Variants in SLC44A3 observed in about 807,000 individuals in gnomAD.
SLC44A3 encodes solute carrier family 44 member 3.
A neutral mutation model predicts 75.4 loss-of-function variants in SLC44A3; 74 were observed. The ratio of observed to expected loss-of-function variants is 0.98; its 90% confidence interval spans 0.81 to 1.19. SLC44A3 has a LOEUF of 1.19. Among genes scored for constraint, SLC44A3 ranks in the 50% most tolerant of loss-of-function variants. The pLI is 0.00. For synonymous variants in SLC44A3, 310 were observed against 296.9 expected, an observed-to-expected ratio of 1.04 and a Z score of -0.45; for missense variants, 700 against 778.6, an observed-to-expected ratio of 0.90 and a Z score of 1.20.
At chr1:94,885,588 C>T (rs1669498949) in intron 12 of SLC44A3, among the ~76,000 whole-genome samples, 1 of 152,144 alleles carries the variant, frequency 6.6e-6, no homozygotes. Flanking sequence ...AGAAAAAGCA[C>T]AAAGTACAGC....
chr1:94,856,112 C>CA (rs552142800), intron 9 of SLC44A3, among the ~76,000 whole-genome samples: 3 of 152,252 alleles, frequency 2.0e-5, no homozygotes, highest in South Asian at 2.1e-4. Flanking sequence ...ACGTGAATGG[C>CA]AAAAAGTTGT....
intron 12 of SLC44A3, among the ~76,000 whole-genome samples, chr1:94,869,075 G>T (rs1180346436): frequency 6.6e-6 from 1 of 152,254 alleles, no homozygotes. Context: ...TGTACTGAAG[G>T]TTTCATTTGA....
At chr1:94,827,374 T>C in intron 3 of SLC44A3, 133 bp from the exon 4 acceptor site, 3 of 1,164,126 alleles carry the variant, frequency 2.6e-6, no homozygotes, top group Non-Finnish European at 3.7e-6. Flanking sequence ...TGTTCAATTA[T>C]GCTGAAACAA....
At chr1:94,891,909 C>T (rs534786363) in intron 13 of SLC44A3, among the ~76,000 whole-genome samples, 42 of 152,114 alleles carry the variant, frequency 2.8e-4, no homozygotes, top group African/African-American at 9.9e-4. Context: ...GGCAACAGAA[C>T]GAGACTCTGT....
intron 5 of SLC44A3, among the ~76,000 whole-genome samples, chr1:94,833,293 G>A (rs6675132): frequency 1.6e-3 from 246 of 152,124 alleles, no homozygotes; most frequent in African/African-American, 5.9e-3. Flanking sequence ...TCCCTCATGG[G>A]CATGTTTTGG....
chr1:94,867,308 C>T (rs12137650), intron 11 of SLC44A3, 23 bp from the exon 12 acceptor site: 454,370 of 1,530,362 alleles, frequency 0.3, 69,472 homozygotes, highest in Admixed American at 0.34. Context: ...TGACTCTGTT[C>T]CTTTGTTCTC....
chr1:94,873,603 T>C (rs1294115047), intron 12 of SLC44A3, among the ~76,000 whole-genome samples: 1 of 152,192 alleles, frequency 6.6e-6, no homozygotes, highest in African/African-American at 2.4e-5. Context: ...GACTCAACTT[T>C]GTAGTATCTC....
At chr1:94,822,544 C>T (rs532249870) in intron 2 of SLC44A3, among the ~76,000 whole-genome samples, 255 of 130,106 alleles carry the variant, frequency 2.0e-3, no homozygotes, top group Non-Finnish European at 3.1e-3. Context: ...TGACAGATGT[C>T]CTGACTGGTG....
At chr1:94,886,112 G>A (rs1362868375) in intron 12 of SLC44A3, among the ~76,000 whole-genome samples, 3 of 152,164 alleles carry the variant, frequency 2.0e-5, no homozygotes, top group African/African-American at 7.2e-5. Flanking sequence ...CTGGCGGGTC[G>A]GTGTGCTCAA....
intron 12 of SLC44A3, among the ~76,000 whole-genome samples, chr1:94,884,773 G>GAGCTGTGCTGGCTA (rs1245199635): frequency 6.6e-6 from 1 of 152,146 alleles, no homozygotes. Context: ...ACAAAAGGCT[G>GAGCTGTGCTGGCTA]AGCTGTGCTG....
chr1:94,836,685 G>A (rs1462968885), intron 5 of SLC44A3: 1 of 152,138 alleles, frequency 6.6e-6, no homozygotes, highest in African/African-American at 2.4e-5. Context: ...AGACATCAAG[G>A]CAGGTGGATC....
chr1:94,847,765 T>C (rs982069026), intron 9 of SLC44A3, among the ~76,000 whole-genome samples: 3 of 152,210 alleles, frequency 2.0e-5, no homozygotes, highest in East Asian at 1.9e-4. Flanking sequence ...GGTATTGTTA[T>C]GTTCAAGTTA....
At chr1:94,883,507 A>G (rs185561226) in intron 12 of SLC44A3, among the ~76,000 whole-genome samples, 1 of 152,282 alleles carries the variant, frequency 6.6e-6, no homozygotes, top group East Asian at 1.9e-4. Context: ...CCCTGTTTCA[A>G]ACAAAGCAAA....
At chr1:94,851,330 C>T (rs1665189190) in intron 9 of SLC44A3, among the ~76,000 whole-genome samples, 1 of 152,158 alleles carries the variant, frequency 6.6e-6, no homozygotes, top group Non-Finnish European at 1.5e-5. Flanking sequence ...ACTACATGCC[C>T]TGGGTACTTG....
intron 2 of SLC44A3, among the ~76,000 whole-genome samples, chr1:94,821,341 T>C (rs1159696931): frequency 6.6e-6 from 1 of 152,166 alleles, no homozygotes; most frequent in East Asian, 1.9e-4. Context: ...CCTTTTACTC[T>C]CCGAACTTAC....
At chr1:94,865,999 A>C (rs1667127793) in intron 11 of SLC44A3, among the ~76,000 whole-genome samples, 1 of 152,150 alleles carries the variant, frequency 6.6e-6, no homozygotes, top group Non-Finnish European at 1.5e-5. Flanking sequence ...CTGATTGTAG[A>C]ATATTTTCTT....
rs372042871 is a variant in SLC44A3, at chr1:94,884,806, T to TA, written c.1483-6317dup. ...CTGGCTAAGCGTTTGATTTCAGGAG[T>TA]AAAAAAACGCTCTTTCTATGTTAAA... On this transcript the variant is annotated intron_variant, in intron 12 of 14. Transcript: ENST00000271227. Among the ~76,000 whole-genome samples, 212 of 151,956 alleles carry TA rather than the reference T, an allele frequency of 1.4e-3. 2 individuals are homozygous for TA. Among genetic ancestry groups the TA allele is most frequent in the African/African-American group, 4.9e-3 (203 of 41,456 alleles).
chr1:94,824,452 A>G, intron 2 of SLC44A3, 41 bp from the exon 3 acceptor site: 1 of 1,552,480 alleles, frequency 6.4e-7, no homozygotes, highest in South Asian at 1.2e-5. Context: ...CTGTGCGCTC[A>G]GCCCTTTGGC....
intron 9 of SLC44A3, among the ~76,000 whole-genome samples, chr1:94,855,742 G>A (rs1359073116): frequency 2.0e-5 from 3 of 152,174 alleles, no homozygotes; most frequent in South Asian, 4.1e-4. Context: ...CTACAGCACG[G>A]ATATCCTCCC....
Sources: gnomAD v4.1 joint callset for allele counts (sites outside exome capture counted in the v4.1 genomes callset) on GRCh38, gnomAD v4.1.1 for gene constraint, MANE v1.5 for transcripts, NCBI Gene and HGNC (gene_info 2026-07-23, HGNC 2026-07-21) for gene names.